The following PER3 variants were observed in gnomAD, a reference collection of about 807,000 sequenced individuals.
PER3 encodes the protein period circadian protein homolog 3.
In PER3, 107 loss-of-function variants were observed where a neutral mutation model predicts 127.2. The ratio of observed to expected loss-of-function variants is 0.84; its 90% CI spans 0.72 to 0.99. The LOEUF (loss-of-function observed/expected upper bound fraction) is 0.99, where lower values mean the gene tolerates loss of function less well. Among genes scored for constraint, PER3 ranks in the 50% least tolerant of loss-of-function variants. PER3 has a pLI of 0.00. For synonymous variants in PER3, 618 were observed against 585.8 expected (o/e 1.05, Z -0.79); for missense variants, 1,560 against 1,525.8 (o/e 1.02, Z -0.37).
chr1:7,785,614 C>T (rs776060089), intron 3 of PER3, 28 bp downstream of exon 3: 1 of 1,601,340 alleles, frequency 6.2e-7, no homozygotes, highest in Non-Finnish European at 8.5e-7. Context: ...AAATTTCATC[C>T]TACGAATGCA....
At chr1:7,831,436 A>G (rs1016624011) in intron 19 of PER3, among the ~76,000 whole-genome samples, 3 of 151,830 alleles carry the variant, frequency 2.0e-5, no homozygotes, top group Non-Finnish European at 4.4e-5. Flanking sequence ...GTATGTCTTT[A>G]TTTATTTGTC....
chr1:7,819,446 A>C (rs758440544), intron 14 of PER3, 26 bp downstream of exon 14: 1 of 1,609,062 alleles, frequency 6.2e-7, no homozygotes, highest in Non-Finnish European at 8.5e-7. Flanking sequence ...TTTGGATACC[A>C]TGTAAGTCTG....
chr1:7,818,326 A>G (rs1558441176), intron 13 of PER3, among the ~76,000 whole-genome samples: 1 of 151,966 alleles, frequency 6.6e-6, no homozygotes. Flanking sequence ...TTCAAAATTA[A>G]AAGTTAAAAA....
chr1:7,828,840 T>G (rs912463075), intron 18 of PER3, among the ~76,000 whole-genome samples: 1 of 152,220 alleles, frequency 6.6e-6, no homozygotes, highest in Non-Finnish European at 1.5e-5. Context: ...CAGTAGGTGC[T>G]CCTGGAGAGC....
chr1:7,817,676 A>G (rs2097257739), intron 13 of PER3, among the ~76,000 whole-genome samples: 1 of 152,268 alleles, frequency 6.6e-6, no homozygotes, highest in Admixed American at 6.5e-5. Context: ...GTGTGGACTC[A>G]TGCCCCTTTT....
At chr1:7,827,935 G>A (rs759879350) in intron 18 of PER3, 120 bp downstream of exon 18, 3 of 699,840 alleles carry the variant, frequency 4.3e-6, no homozygotes, top group Non-Finnish European at 7.1e-6. Flanking sequence ...GCTACTGTGA[G>A]TGAGCCTGTT....
intron 11 of PER3, 109 bp from the exon 12 acceptor site, chr1:7,809,784 A>C: frequency 6.8e-6 from 7 of 1,023,828 alleles, no homozygotes; most frequent in Non-Finnish European, 1.0e-5. Context: ...CACCTAATTT[A>C]GTATTTCAGG....
rs773580436 is a variant in PER3 at position 7,826,715 on chromosome 1, G to A, written c.2188+5G>A. ...CTAAATATTCATATTTTCAAGGTAC[G>A]TAATTTTTTAAAAATAAATGCCATT... On this transcript the variant is annotated splice_donor_5th_base_variant and intron_variant, in intron 17 of 21. Transcript: ENST00000377532. The surrounding 1 kb of genome is among the most constrained non-coding windows in gnomAD (Gnocchi z 4.2). The A allele has an allele frequency of 1.5e-5, 23 of 1,550,724 alleles. 1 individual carries two copies. In the East Asian group the frequency reaches 1.8e-4, roughly 12 times the overall value.
chr1:7,784,553 G>T, intron 1 of PER3, 101 bp from the exon 2 acceptor site: 1 of 202,916 alleles, frequency 4.9e-6, no homozygotes, highest in Non-Finnish European at 9.9e-6. Context: ...AGTTGGGGCA[G>T]GGGTGAGGAC....
Position 7,840,662 on chromosome 1 carries a change from C to A in PER3, c.3550-2010C>A, listed in dbSNP as rs1577996171. Among the ~76,000 whole-genome samples the A allele has an allele frequency of 2.0e-5, 3 of 152,044 alleles. No homozygotes were observed. In the South Asian group the frequency reaches 6.2e-4, roughly 32 times the overall value. On this transcript the variant is annotated intron_variant, in intron 21 of 21. Coordinates refer to ENST00000377532, the MANE Select transcript of PER3 (RefSeq NM_001377275.1). Reference sequence around the variant, plus strand: ...TTTTAAGACAGTCTCACTTTGTCATCCAGGCTGGAGTGCAGTGGTATGATC... The same window carrying A: ...TTTTAAGACAGTCTCACTTTGTCATACAGGCTGGAGTGCAGTGGTATGATC...
At chr1:7,800,216 A>ATT (rs35599508) in intron 7 of PER3, among the ~76,000 whole-genome samples, 17 of 146,266 alleles carry the variant, frequency 1.2e-4, no homozygotes, top group Admixed American at 2.1e-4. Context: ...CAATCACTTC[A>ATT]TTTTTTTTTT....
chr1:7,829,097 A>G (rs1474613550), intron 18 of PER3, among the ~76,000 whole-genome samples: 2 of 152,202 alleles, frequency 1.3e-5, no homozygotes. Context: ...TAACACACGA[A>G]GTTGAAGATC....
At position 7,843,865 on chromosome 1, in the gene PER3, T is replaced by C; in HGVS notation, c.*1110T>C. 8.3e-7 allele frequency: 1 copy of C among 1,210,500 alleles called. No individual in the cohort carries two copies. Among genetic ancestry groups the C allele is most frequent in the South Asian group, 1.4e-5 (1 of 69,324 alleles). The allele number at this position is 1,210,500 out of a possible 1,614,324, so 75.0% of individuals were successfully genotyped here. ...TTAAGAAGTGAGTGTGATTGTTTAC[T>C]TGATAAATCAGCTCACTCTCTGGTG... On this transcript the variant is annotated 3_prime_UTR_variant, in exon 22 of 22. Transcript: ENST00000377532.
intron 10 of PER3, 38 bp downstream of exon 10, chr1:7,803,886 T>C (rs1339128393): frequency 2.0e-6 from 3 of 1,518,950 alleles, no homozygotes; most frequent in Non-Finnish European, 1.8e-6. Context: ...AAAACATCTC[T>C]TGTATCAAAT....
At chr1:7,825,478 G>A (rs1449268678) in intron 16 of PER3, among the ~76,000 whole-genome samples, 1 of 152,200 alleles carries the variant, frequency 6.6e-6, no homozygotes, top group African/African-American at 2.4e-5. Flanking sequence ...CACTGATAAA[G>A]TTCTCCAAGG....
chr1:7,839,810 A>G (rs942966311), intron 21 of PER3, among the ~76,000 whole-genome samples: 1 of 152,176 alleles, frequency 6.6e-6, no homozygotes, highest in Non-Finnish European at 1.5e-5. Flanking sequence ...TTTTAAGATT[A>G]TCTTTGTCTT....
intron 19 of PER3, among the ~76,000 whole-genome samples, chr1:7,831,412 CT>C (rs2097331104): frequency 6.6e-6 from 1 of 152,118 alleles, no homozygotes; most frequent in Admixed American, 6.5e-5. Flanking sequence ...AATTTTACTT[CT>C]TTTTTTCCGT....
chr1:7,812,482 G>A (rs986934939), intron 13 of PER3, among the ~76,000 whole-genome samples: 14 of 151,672 alleles, frequency 9.2e-5, no homozygotes, highest in African/African-American at 1.7e-4. Flanking sequence ...AAAATTAGCC[G>A]GGCGTGGTGG....
intron 21 of PER3, 26 bp from the exon 22 acceptor site, chr1:7,842,645 AC>A: frequency 6.2e-7 from 1 of 1,611,984 alleles, no homozygotes; most frequent in Non-Finnish European, 8.5e-7. Context: ...ACATCAAGTA[AC>A]TCGCCTGCTT....
Sources: gnomAD v4.1 joint callset for allele counts (sites outside exome capture counted in the v4.1 genomes callset) on GRCh38, gnomAD v4.1.1 for gene constraint, Gnocchi (gnomAD v3.1) non-coding constraint, MANE v1.5 for transcripts, NCBI Gene and HGNC (gene_info 2026-07-23, HGNC 2026-07-21) for gene names.